The following TMPRSS15 variants were observed in gnomAD, a reference collection of about 807,000 sequenced individuals.
TMPRSS15 encodes enteropeptidase.
TMPRSS15 carries 128 observed loss-of-function variants against 125.3 expected under a neutral mutation model. The observed-to-expected ratio is 1.02, with a 90% CI of 0.89 to 1.18. TMPRSS15 has a LOEUF of 1.18. Ranked by LOEUF, TMPRSS15 falls within the 50% of genes most tolerant of loss-of-function variation. The probability of loss-of-function intolerance (pLI) is 0.00; values close to 1 mark genes in which losing one functional copy is unlikely to be tolerated. For synonymous variants in TMPRSS15, 446 were observed against 423.2 expected (o/e 1.05, Z -0.66); for missense variants, 1,283 against 1,212.7 (o/e 1.06, Z -0.86).
At chr21:18,301,192 A>G (rs886643394) in intron 18 of TMPRSS15, among the ~76,000 whole-genome samples, 2 of 152,176 alleles carry the variant, frequency 1.3e-5, no homozygotes, top group Non-Finnish European at 2.9e-5. Context: ...GTTCATACCA[A>G]TGTTTCTCCA....
intron 1 of TMPRSS15, among the ~76,000 whole-genome samples, chr21:18,443,032 C>T (rs1248936088): frequency 6.6e-6 from 1 of 152,048 alleles, no homozygotes; most frequent in African/African-American, 2.4e-5. Context: ...ATATACTGAC[C>T]CATCTTCCTC....
At chr21:18,392,389 C>T (rs1257731800) in intron 3 of TMPRSS15, among the ~76,000 whole-genome samples, 2 of 152,186 alleles carry the variant, frequency 1.3e-5, no homozygotes, top group Non-Finnish European at 2.9e-5. Context: ...GGGCAAAATG[C>T]TGCCAATCTC....
At chr21:18,330,998 G>C (rs986039537) in intron 14 of TMPRSS15, among the ~76,000 whole-genome samples, 4 of 151,058 alleles carry the variant, frequency 2.6e-5, no homozygotes, top group Non-Finnish European at 5.9e-5. Context: ...GCGTGAACCC[G>C]GGAGGCGGAG....
At chr21:18,465,346 G>T (rs1240567360) in intron 1 of TMPRSS15, among the ~76,000 whole-genome samples, 1 of 152,062 alleles carries the variant, frequency 6.6e-6, no homozygotes, top group East Asian at 1.9e-4. Flanking sequence ...TTTGAAAACC[G>T]GCACAAGACA....
chr21:18,319,959 T>C (rs990882974), intron 16 of TMPRSS15, among the ~76,000 whole-genome samples: 1 of 152,230 alleles, frequency 6.6e-6, no homozygotes, highest in African/African-American at 2.4e-5. Context: ...CCATGGCTGG[T>C]TGTTTCTACA....
chr21:18,300,508 A>AT (rs554777552), intron 18 of TMPRSS15, among the ~76,000 whole-genome samples: 20 of 150,520 alleles, frequency 1.3e-4, no homozygotes, highest in Admixed American at 4.6e-4. Flanking sequence ...CACCTGGCTA[A>AT]TTTTTTTTGT....
In TMPRSS15 at chr21:18,467,684, G is replaced by A. The variant is rs147156876; in HGVS notation, c.10+18115C>T. Among the ~76,000 whole-genome samples, 193 of 152,144 alleles carry A rather than the reference G, an allele frequency of 1.3e-3. 1 individual carries two copies. In the East Asian group the frequency reaches 0.025, roughly 20 times the overall value. On this transcript the variant is annotated intron_variant, in intron 1 of 7. Transcript: ENST00000422787. Reference sequence around the variant, plus strand: ...TCTAAAATATACAGATTCAATCAGTGGGGGAAAATTGTGTGTCTGTGTAAA... The same window carrying A: ...TCTAAAATATACAGATTCAATCAGTAGGGGAAAATTGTGTGTCTGTGTAAA...
chr21:18,365,737 T>C (rs1157031581), intron 6 of TMPRSS15, among the ~76,000 whole-genome samples: 1 of 133,166 alleles, frequency 7.5e-6, no homozygotes, highest in Non-Finnish European at 1.6e-5. Flanking sequence ...TTCTTTCTCT[T>C]TTTTCCTTTT....
At chr21:18,406,857 G>A (rs1022917825), upstream of TMPRSS15, among the ~76,000 whole-genome samples, 2 of 152,040 alleles carry the variant, frequency 1.3e-5, no homozygotes, top group Admixed American at 1.3e-4. Context: ...AAAATTGTAA[G>A]CCCTACAAAA....
intron 18 of TMPRSS15, among the ~76,000 whole-genome samples, chr21:18,300,861 G>T (rs1412195965): frequency 6.6e-6 from 1 of 151,798 alleles, no homozygotes; most frequent in Non-Finnish European, 1.5e-5. Context: ...AAGAATAATG[G>T]GTATTCAGTA....
At position 18,315,353 on chromosome 21, in the gene TMPRSS15, T is replaced by C. The variant is rs899834978; in HGVS notation, c.1922-97A>G. 17 of 1,001,420 alleles carry C rather than the reference T, an allele frequency of 1.7e-5. No homozygotes were observed. In the African/African-American group the frequency reaches 2.7e-4, roughly 16 times the overall value. The allele number at this position is 1,001,420 out of a possible 1,614,324, so 62.0% of individuals were successfully genotyped here. A position where few individuals can be genotyped will look rare whatever the true frequency, so the allele number is the denominator to read the frequency against. On this transcript the variant is annotated intron_variant, in intron 16 of 24. Coordinates refer to ENST00000284885, the MANE Select transcript of TMPRSS15 (RefSeq NM_002772.3). The stretch of plus-strand genomic sequence containing the variant: ...TTTGCTCCCCTTTAAACATGAGTCC[T>C]TTGCCACAGCTCAAGGTGGAACCAG...
intron 1 of TMPRSS15, among the ~76,000 whole-genome samples, chr21:18,402,399 C>T (rs369930217): frequency 1.7e-4 from 26 of 151,872 alleles, no homozygotes; most frequent in African/African-American, 5.5e-4. Context: ...CGTGATGGCG[C>T]GCACCTGTAG....
intron 3 of TMPRSS15, among the ~76,000 whole-genome samples, chr21:18,384,660 T>C (rs2075926027): frequency 6.6e-6 from 1 of 152,194 alleles, no homozygotes; most frequent in South Asian, 2.1e-4. Context: ...GGAGACAAAC[T>C]ATAGCTCTGA....
chr21:18,368,653 C>T (rs1374420799), intron 6 of TMPRSS15, among the ~76,000 whole-genome samples: 1 of 152,088 alleles, frequency 6.6e-6, no homozygotes, highest in Non-Finnish European at 1.5e-5. Flanking sequence ...TAGTATTTAG[C>T]CTGTCCTAAA....
intron 23 of TMPRSS15, among the ~76,000 whole-genome samples, chr21:18,275,602 A>G (rs1300224440): frequency 6.6e-6 from 1 of 152,216 alleles, no homozygotes; most frequent in Non-Finnish European, 1.5e-5. Flanking sequence ...GTCTTTGGGC[A>G]TCTTCTGTGA....
chr21:18,331,264 T>C (rs977768406), intron 14 of TMPRSS15, among the ~76,000 whole-genome samples: 5 of 152,162 alleles, frequency 3.3e-5, no homozygotes, highest in African/African-American at 1.2e-4. Context: ...AGGTTGGCTT[T>C]TTCTGAAGAC....
intron 22 of TMPRSS15, among the ~76,000 whole-genome samples, chr21:18,279,796 T>C (rs1383344236): frequency 1.3e-5 from 2 of 152,084 alleles, no homozygotes; most frequent in Non-Finnish European, 2.9e-5. Flanking sequence ...TTTGGGCAAA[T>C]GTTCTGAGAC....
intron 17 of TMPRSS15, 98 bp from the exon 18 acceptor site, chr21:18,313,175 G>A (rs2075119904): frequency 2.5e-6 from 2 of 813,704 alleles, no homozygotes. Flanking sequence ...ATTTAGACAG[G>A]AGGAATAAGT....
chr21:18,479,558 C>A (rs1378657134), intron 1 of TMPRSS15, among the ~76,000 whole-genome samples: 2 of 151,884 alleles, frequency 1.3e-5, no homozygotes, highest in African/African-American at 2.4e-5. Flanking sequence ...AAACAAACAA[C>A]CCCATCAGAA....
Sources: allele counts gnomAD v4.1 joint callset (sites outside exome capture counted in the v4.1 genomes callset), GRCh38; gene constraint gnomAD v4.1.1; transcripts MANE v1.5; gene names NCBI Gene and HGNC (gene_info 2026-07-23, HGNC 2026-07-21).